ABCC9: variants seen among roughly 807,000 people sequenced by gnomAD.
ABCC9 encodes the protein ATP-binding cassette sub-family C member 9.
Under a neutral mutation model 188.3 loss-of-function variants are expected in ABCC9, and 95 were observed. The ratio of observed to expected loss-of-function variants is 0.50; its 90% CI spans 0.43 to 0.60. The LOEUF (loss-of-function observed/expected upper bound fraction) is 0.60. Among genes scored for constraint, ABCC9 ranks in the 20% least tolerant of loss-of-function variants. The pLI, the probability that ABCC9 is intolerant of heterozygous loss-of-function variation, is 0.00. For synonymous variants in ABCC9, 659 were observed against 652.7 expected, an observed-to-expected ratio of 1.01 and a Z score of -0.15; for missense variants, 1,102 against 1,876.3, an observed-to-expected ratio of 0.59 and a Z score of 7.62.
At chr12:21,859,188 A>G (rs549494069) in intron 22 of ABCC9, among the ~76,000 whole-genome samples, 3 of 152,274 alleles carry the variant, frequency 2.0e-5, no homozygotes, top group Non-Finnish European at 4.4e-5. Flanking sequence ...GTTGCACAGC[A>G]CTGGAATGGG....
chr12:21,799,154 G>A lies in ABCC9; in HGVS notation c.*1890C>T, dbSNP rs1257272167. The A allele has an allele frequency of 1.2e-4, 18 of 149,534 alleles. No individual in the cohort carries two copies. Among genetic ancestry groups the A allele is most frequent in the Admixed American group, 1.0e-3 (15 of 14,916 alleles). The allele number at this position is 149,534 out of a possible 1,614,324, so 9.3% of individuals were successfully genotyped here. On this transcript the variant is annotated 3_prime_UTR_variant, in exon 40 of 40. Coordinates refer to ENST00000261200, the MANE Select transcript of ABCC9 (RefSeq NM_020297.4). ...GGAGATATACCTAATGCTAGATGAC[G>A]AGTTAGTGGGTGCAGCGCACCAGCA...
intron 37 of ABCC9, among the ~76,000 whole-genome samples, chr12:21,807,680 C>T (rs1941951169): frequency 6.6e-6 from 1 of 152,088 alleles, no homozygotes; most frequent in South Asian, 2.1e-4. Context: ...TCATTTATGA[C>T]AATAGGTAGT....
chr12:21,839,477 T>A (rs943133249), intron 29 of ABCC9, among the ~76,000 whole-genome samples: 2 of 152,158 alleles, frequency 1.3e-5, no homozygotes, highest in African/African-American at 4.8e-5. Context: ...AGGAACCACA[T>A]GTACATAAAA....
rs145672913 is a variant in ABCC9, at chr12:21,905,606, T to C, written c.1618+520A>G. On this transcript the variant is annotated intron_variant, in intron 12 of 39. Coordinates refer to ENST00000261200, the MANE Select transcript of ABCC9 (RefSeq NM_020297.4). ...AAGCGAGATATTTTGTGGCAAAGTT[T>C]TCTCGGAGTAAAAGCTGCAGCCACA... Among the ~76,000 whole-genome samples, 25 of 152,196 alleles carry C rather than the reference T, an allele frequency of 1.6e-4. No homozygotes were observed. The East Asian group carries it at 4.8e-3, about 29-fold the overall frequency.
intron 8 of ABCC9, 102 bp downstream of exon 8, chr12:21,912,770 A>AAG (rs1299164974): frequency 5.5e-4 from 662 of 1,203,308 alleles, no homozygotes; most frequent in Non-Finnish European, 7.0e-4. Flanking sequence ...TCTCTGAAAA[A>AAG]AAGCCTATTT....
At chr12:21,839,622 A>G (rs977797854) in intron 29 of ABCC9, among the ~76,000 whole-genome samples, 2 of 152,230 alleles carry the variant, frequency 1.3e-5, no homozygotes, top group African/African-American at 4.8e-5. Flanking sequence ...ACATGTTTCA[A>G]TGCATTCCAT....
intron 30 of ABCC9, among the ~76,000 whole-genome samples, chr12:21,831,415 G>A (rs1486359590): frequency 3.3e-5 from 5 of 152,036 alleles, no homozygotes; most frequent in African/African-American, 1.2e-4. Flanking sequence ...TAGACACTGA[G>A]GATATAGGAA....
At chr12:21,813,788 G>T (rs1942422866) in intron 35 of ABCC9, among the ~76,000 whole-genome samples, 2 of 152,118 alleles carry the variant, frequency 1.3e-5, no homozygotes, top group South Asian at 4.1e-4. Context: ...GTTCCATGTT[G>T]TTGTTCATAA....
chr12:21,910,482 T>C (rs536798893), intron 9 of ABCC9, among the ~76,000 whole-genome samples, 170 bp from the exon 10 acceptor site: 1 of 152,072 alleles, frequency 6.6e-6, no homozygotes, highest in East Asian at 1.9e-4. Context: ...TCTACTTCAG[T>C]ATAGTTATTT....
intron 14 of ABCC9, among the ~76,000 whole-genome samples, chr12:21,888,670 A>G (rs955336029): frequency 6.6e-6 from 1 of 152,152 alleles, no homozygotes; most frequent in African/African-American, 2.4e-5. Context: ...TGGTTTGCCA[A>G]CATTCTTTAA....
At chr12:21,909,463 C>T (rs1948213214) in intron 10 of ABCC9, among the ~76,000 whole-genome samples, 1 of 151,838 alleles carries the variant, frequency 6.6e-6, no homozygotes, top group African/African-American at 2.4e-5. Flanking sequence ...TAAAAATGTC[C>T]AGTTTATACA....
chr12:21,918,833 G>T (rs1180109377), intron 5 of ABCC9, among the ~76,000 whole-genome samples: 1 of 152,062 alleles, frequency 6.6e-6, no homozygotes, highest in African/African-American at 2.4e-5. Flanking sequence ...AGGCAAGAGA[G>T]TCATAAAGGG....
At position 21,940,828 on chromosome 12, in the gene ABCC9, A is replaced by T. The variant is rs934284663; in HGVS notation, c.-136-3T>A. The stretch of plus-strand genomic sequence containing the variant: ...TTTCAAACCCGGACGCAGAACTCCT[A>T]AAAAAAAGTAAAGAGTAACAAAAAT... On this transcript the variant is annotated splice_polypyrimidine_tract_variant and splice_region_variant and intron_variant, in intron 1 of 39. Transcript: ENST00000261200. 1 of 152,054 alleles carries T rather than the reference A, an allele frequency of 6.6e-6. No homozygotes were observed. Among genetic ancestry groups the T allele is most frequent in the Admixed American group, 6.6e-5 (1 of 15,258 alleles). The allele number at this position is 152,054 out of a possible 1,614,324, so 9.4% of individuals were successfully genotyped here.
chr12:21,806,134 A>G (rs1416085355), intron 38 of ABCC9, 74 bp from the exon 39 acceptor site: 19 of 1,309,018 alleles, frequency 1.5e-5, no homozygotes, highest in East Asian at 9.3e-5. Context: ...AGAACAATCA[A>G]TATTCCACTG....
At chr12:21,901,294 C>A (rs1350605728) in intron 12 of ABCC9, among the ~76,000 whole-genome samples, 1 of 152,054 alleles carries the variant, frequency 6.6e-6, no homozygotes, top group Non-Finnish European at 1.5e-5. Context: ...TACAAGAGCT[C>A]CTGAAGGAAG....
Position 21,800,906 on chromosome 12 carries a change from G to C in ABCC9, c.*138C>G. The C allele has an allele frequency of 2.0e-6, 2 of 996,596 alleles. No homozygotes were observed. The highest frequency in any genetic ancestry group is 3.0e-6 in the Non-Finnish European group (2 of 673,672). The allele number at this position is 996,596 out of a possible 1,614,324, so 61.7% of individuals were successfully genotyped here. ...ATCTTGAAAAACTGTTTTAAAAACA[G>C]GAAAAATAAATGTCCACTTTTTGTG... On this transcript the variant is annotated 3_prime_UTR_variant, in exon 40 of 40. Transcript: ENST00000261200.
intron 30 of ABCC9, among the ~76,000 whole-genome samples, chr12:21,832,262 A>G (rs934964297): frequency 1.3e-5 from 2 of 152,212 alleles, no homozygotes; most frequent in Admixed American, 6.5e-5. Flanking sequence ...TCATTGCTTC[A>G]TGTGAGTACA....
chr12:21,888,087 G>T, intron 14 of ABCC9, 153 bp from the exon 15 acceptor site: 1 of 673,204 alleles, frequency 1.5e-6, no homozygotes. Context: ...CAGCTAGATC[G>T]ACCAAACATC....
chr12:21,925,295 T>C, intron 5 of ABCC9: 3 of 494,858 alleles, frequency 6.1e-6, no homozygotes, highest in Non-Finnish European at 1.1e-5. Context: ...AAAAATAAAA[T>C]TAGGAATATT....
Sources: allele counts gnomAD v4.1 joint callset (sites outside exome capture counted in the v4.1 genomes callset), GRCh38; gene constraint gnomAD v4.1.1; transcripts MANE v1.5; gene names NCBI Gene and HGNC (gene_info 2026-07-23, HGNC 2026-07-21).